Variants in KARS1 observed in about 807,000 individuals in gnomAD.
The protein encoded by KARS1 is lysyl-tRNA synthetase 1.
In KARS1, 50 loss-of-function variants were observed where a neutral mutation model predicts 63.9. The ratio of observed to expected loss-of-function variants is 0.78; its 90% confidence interval spans 0.62 to 0.99. KARS1 has a LOEUF of 0.99. Ranked by LOEUF, KARS1 falls within the 50% of genes least tolerant of loss-of-function variation. The pLI is 0.00. For synonymous variants in KARS1, 320 were observed against 264.6 expected (o/e 1.21, Z -2.03); for missense variants, 816 against 754.5 (o/e 1.08, Z -0.95).
Position 75,641,561 on chromosome 16 carries a change from C to T in KARS1, c.222+3G>A, listed in dbSNP as rs767391172. 5.3e-5 allele frequency: 86 copies of T among 1,613,098 alleles called. No homozygotes were observed. The highest frequency in any genetic ancestry group is 7.1e-5 in the Non-Finnish European group (84 of 1,179,682). On this transcript the variant is annotated splice_donor_region_variant and intron_variant, in intron 2 of 13. Coordinates refer to ENST00000302445, the MANE Select transcript of KARS1 (RefSeq NM_005548.3). ...AACCATGCTGGTGGCCCAGGGAACT[C>T]ACATTTGGGTCCACGCTCTCTTCCT...
Position 75,641,607 on chromosome 16 carries a change from G to A in KARS1, c.179C>T (p.Thr60Ile). The change falls in exon 2 of 14, where the codon ACT becomes ATT. Residue 60 changes from threonine to isoleucine, a missense_variant. By Grantham distance (89) the Thr-to-Ile change is moderately conservative. Coordinates refer to ENST00000302445, the MANE Select transcript of KARS1 (RefSeq NM_005548.3). ...QATAAATNHT[T>I]DNGVGPEEES... is the part of the protein sequence containing the mutation. Reference sequence around the variant, plus strand: ...TTCCTCAGGACCCACACCATTATCAGTGGTGTGGTTGGTGGCAGCAGCAGT... The same window carrying A: ...TTCCTCAGGACCCACACCATTATCAATGGTGTGGTTGGTGGCAGCAGCAGT... 6.2e-7 allele frequency: 1 copy of A among 1,613,648 alleles called. No individual in the cohort carries two copies. Among genetic ancestry groups the A allele is most frequent in the Non-Finnish European group, 8.5e-7 (1 of 1,179,662 alleles).
intron 12 of KARS1, 146 bp downstream of exon 12, chr16:75,629,269 C>T: frequency 1.1e-6 from 1 of 949,584 alleles, no homozygotes; most frequent in Non-Finnish European, 1.7e-6. Context: ...AAGTCACCAT[C>T]TTGAAATGTG....
chr16:75,643,127 A>G lies in KARS1; in HGVS notation c.63-1404T>C, dbSNP rs188975127. Among the ~76,000 whole-genome samples the G allele has an allele frequency of 3.0e-4, 46 of 152,324 alleles. No homozygotes were observed. In the East Asian group the frequency reaches 5.6e-3, roughly 19 times the overall value. ...TCTGTATGATATGTTCATGTCTCTT[A>G]TAGTCTGAATTTGCTATCTGAAACC... On this transcript the variant is annotated intron_variant, in intron 1 of 13. Transcript: ENST00000302445.
At chr16:75,633,157 G>A (rs1219839763) in intron 7 of KARS1, among the ~76,000 whole-genome samples, 1 of 152,158 alleles carries the variant, frequency 6.6e-6, no homozygotes, top group Non-Finnish European at 1.5e-5. Context: ...AGCTTCTGTT[G>A]TTAATTCTAT....
intron 11 of KARS1, 76 bp from the exon 12 acceptor site, chr16:75,629,617 T>G (rs879096768): frequency 8.7e-6 from 13 of 1,489,180 alleles, no homozygotes; most frequent in African/African-American, 1.4e-5. Flanking sequence ...TCTTTTTTTT[T>G]GAGACGGAGT....
At position 75,631,721 on chromosome 16, in the gene KARS1, G is replaced by A; in HGVS notation, c.1050C>T (p.Leu350=). ...FYMAYADYHD[L]MEITEKMVSG... is the part of the protein sequence containing the mutation. ...AAACCATCTTCTCCGTGATTTCCAT[G>A]AGATCGTGATAGTCTGCATAGGCCA... Residue 350 remains leucine, a synonymous_variant, in exon 8 of 14, where the codon CTC becomes CTT. Transcript: ENST00000302445. 1.2e-6 allele frequency: 2 copies of A among 1,614,216 alleles called. No individual in the cohort carries two copies. Among genetic ancestry groups the A allele is most frequent in the Non-Finnish European group, 1.7e-6 (2 of 1,180,038 alleles).
chr16:75,636,392 G>T, intron 4 of KARS1, 62 bp downstream of exon 4: 1 of 1,018,708 alleles, frequency 9.8e-7, no homozygotes, highest in Non-Finnish European at 1.6e-6. Flanking sequence ...GACCACATCA[G>T]CCTATTGCTG....
chr16:75,631,282 G>T, intron 9 of KARS1, 29 bp from the exon 10 acceptor site: 1 of 1,601,856 alleles, frequency 6.2e-7, no homozygotes, highest in Non-Finnish European at 8.6e-7. Context: ...AGTTAGGGCA[G>T]GAGACATCAC....
In KARS1 at chr16:75,629,454, A is replaced by T; in HGVS notation, c.1512T>A (p.Asp504Glu). The T allele has an allele frequency of 6.2e-7, 1 of 1,614,166 alleles. No homozygotes were observed. Among genetic ancestry groups the T allele is most frequent in the Non-Finnish European group, 8.5e-7 (1 of 1,180,014 alleles). The change falls in exon 12 of 14, where the codon GAT becomes GAA. Residue 504 changes from aspartate to glutamate, a missense_variant. By Grantham distance (45) the Asp-to-Glu change is conservative (BLOSUM62 2). Coordinates refer to ENST00000302445, the MANE Select transcript of KARS1 (RefSeq NM_005548.3). ...EICNAYTELN[D>E]PMRQRQLFEE... ...CAAAAAGCTGCCGCTGCCGCATGGG[A>T]TCATTCAGCTCAGTATACGCATTGC...
rs138776538 is a variant in KARS1 at position 75,647,641 on chromosome 16, T to G, written c.-2A>C. On this transcript the variant is annotated 5_prime_UTR_variant, in exon 1 of 14. Transcript: ENST00000302445. The stretch of plus-strand genomic sequence containing the variant: ...CTCGGCCGCCTGCACGGCCGCCATC[T>G]TCCCGGAGGGCCCGACCCAAAAGTA... 1 of 1,613,832 alleles carries G rather than the reference T, an allele frequency of 6.2e-7. No homozygotes were observed. The highest frequency in any genetic ancestry group is 2.2e-5 in the East Asian group (1 of 44,870).
intron 8 of KARS1, 51 bp from the exon 9 acceptor site, chr16:75,631,640 T>C (rs1202425971): frequency 6.2e-7 from 1 of 1,613,810 alleles, no homozygotes; most frequent in Admixed American, 1.7e-5. Context: ...GCAGCCCTCC[T>C]CTGAAAGCAG....
chr16:75,642,576 A>G (rs1200746824), intron 1 of KARS1, among the ~76,000 whole-genome samples: 1 of 151,836 alleles, frequency 6.6e-6, no homozygotes, highest in East Asian at 1.9e-4. Flanking sequence ...CTCCCCTAAG[A>G]GTGAGTTAGG....
intron 1 of KARS1, among the ~76,000 whole-genome samples, chr16:75,643,501 C>T (rs372363222): frequency 2.6e-5 from 4 of 151,988 alleles, no homozygotes; most frequent in East Asian, 3.9e-4. Context: ...CCTCAGCCTC[C>T]GGAGTAGCTG....
At chr16:75,644,635 G>A (rs547615110) in intron 1 of KARS1, among the ~76,000 whole-genome samples, 8 of 152,286 alleles carry the variant, frequency 5.3e-5, no homozygotes, top group African/African-American at 1.4e-4. Flanking sequence ...TGCTACAACT[G>A]TAACTGACAA....
intron 2 of KARS1, 139 bp downstream of exon 2, chr16:75,641,425 C>G (rs1288834870): frequency 2.9e-6 from 2 of 696,770 alleles, no homozygotes; most frequent in Non-Finnish European, 5.0e-6. Flanking sequence ...TAACCAGATG[C>G]AGTGGGAGAC....
chr16:75,638,232 TTTTAC>T (rs2082185751), intron 3 of KARS1, among the ~76,000 whole-genome samples: 2 of 150,652 alleles, frequency 1.3e-5, no homozygotes, highest in African/African-American at 2.4e-5. Context: ...TTTTTTTTTA[TTTTAC>T]TTTAAGTTCT....
At chr16:75,644,389 G>A (rs1409045036) in intron 1 of KARS1, 3 of 1,612,452 alleles carry the variant, frequency 1.9e-6, no homozygotes, top group East Asian at 4.5e-5. Flanking sequence ...GTTTTGCGCA[G>A]GGACCCCCTA....
intron 12 of KARS1, 117 bp from the exon 13 acceptor site, chr16:75,628,829 C>G: frequency 9.4e-7 from 1 of 1,067,934 alleles, no homozygotes; most frequent in Non-Finnish European, 1.4e-6. Context: ...GCTCCTGACA[C>G]TCAGGACTTG....
intron 3 of KARS1, among the ~76,000 whole-genome samples, chr16:75,638,278 C>A (rs1044174151): frequency 7.3e-5 from 11 of 151,454 alleles, no homozygotes; most frequent in Admixed American, 5.3e-4. Flanking sequence ...GCAGATTTGT[C>A]ATATAGGTAT....
Sources: gnomAD v4.1 joint callset for allele counts (sites outside exome capture counted in the v4.1 genomes callset) on GRCh38, gnomAD v4.1.1 for gene constraint, MANE v1.5 for transcripts, NCBI Gene and HGNC (gene_info 2026-07-23, HGNC 2026-07-21) for gene names.